The following DISC1 variants were observed in gnomAD, a reference collection of about 807,000 sequenced individuals.
DISC1 encodes disrupted in schizophrenia 1 protein.
Under a neutral mutation model 84.5 loss-of-function variants are expected in DISC1, and 57 were observed. The ratio of observed to expected loss-of-function variants is 0.67; its 90% CI spans 0.55 to 0.84. The LOEUF (loss-of-function observed/expected upper bound fraction) is 0.84, where lower values mean the gene tolerates loss of function less well. Among genes scored for constraint, DISC1 ranks in the 40% least tolerant of loss-of-function variants. DISC1 has a pLI of 0.00. For synonymous variants in DISC1, 411 were observed against 415.2 expected (o/e 0.99, Z 0.12); for missense variants, 1,000 against 1,057.8 (o/e 0.95, Z 0.76).
chr1:231,970,702 TAAAAG>T (rs1266288888), intron 10 of DISC1, among the ~76,000 whole-genome samples: 9 of 152,192 alleles, frequency 5.9e-5, no homozygotes, highest in Non-Finnish European at 2.9e-5. Flanking sequence ...GATTATCACT[TAAAAG>T]AAAAGGGTTC....
intron 12 of DISC1, among the ~76,000 whole-genome samples, chr1:232,035,503 C>T (rs762750970): frequency 6.6e-6 from 1 of 152,124 alleles, no homozygotes; most frequent in Non-Finnish European, 1.5e-5. Context: ...GTGTCTTTTT[C>T]TCTTTTTGTT....
chr1:231,738,855 G>A (rs1204854580), intron 3 of DISC1, among the ~76,000 whole-genome samples: 2 of 152,168 alleles, frequency 1.3e-5, no homozygotes, highest in African/African-American at 4.8e-5. Context: ...TCTCAGGTTT[G>A]GACCAGAGGA....
intron 9 of DISC1, among the ~76,000 whole-genome samples, chr1:231,907,618 A>T (rs1375320583): frequency 6.6e-6 from 1 of 152,218 alleles, no homozygotes; most frequent in East Asian, 1.9e-4. Flanking sequence ...TATTGTGAAT[A>T]GTGCCACAAT....
intron 2 of DISC1, among the ~76,000 whole-genome samples, chr1:231,695,999 A>T (rs1227691232): frequency 6.6e-6 from 1 of 152,132 alleles, no homozygotes; most frequent in African/African-American, 2.4e-5. Context: ...TCTTCCAGTT[A>T]GTCATTGCCT....
chr1:232,030,055 G>A (rs546314181), intron 12 of DISC1, among the ~76,000 whole-genome samples: 3 of 152,298 alleles, frequency 2.0e-5, no homozygotes, highest in East Asian at 1.9e-4. Context: ...CTGTGGCAGC[G>A]AGTGTCTGAA....
intron 9 of DISC1, among the ~76,000 whole-genome samples, chr1:231,931,190 T>G (rs1310517911): frequency 1.3e-5 from 2 of 152,140 alleles, no homozygotes; most frequent in African/African-American, 4.8e-5. Flanking sequence ...ACCTGTGCTT[T>G]AAGGTCATCC....
intron 9 of DISC1, among the ~76,000 whole-genome samples, chr1:231,885,218 C>G (rs2086596365): frequency 6.6e-6 from 1 of 152,198 alleles, no homozygotes; most frequent in Non-Finnish European, 1.5e-5. Flanking sequence ...GGTGGGATCT[C>G]TCATGCAAAA....
At chr1:231,696,146 C>T (rs1258347185) in intron 2 of DISC1, among the ~76,000 whole-genome samples, 3 of 152,232 alleles carry the variant, frequency 2.0e-5, no homozygotes, top group East Asian at 1.9e-4. Context: ...TCCCTTGTTC[C>T]ACATCTGGCT....
At position 232,041,225 on chromosome 1, in the gene DISC1, G is replaced by A. The variant is rs1670772482; in HGVS notation, c.*4394G>A. 1 of 152,100 alleles carries A rather than the reference G, an allele frequency of 6.6e-6. No individual in the cohort carries two copies. Among genetic ancestry groups the A allele is most frequent in the Admixed American group, 6.5e-5 (1 of 15,270 alleles). 9.4% of individuals were successfully genotyped at this position (152,100 alleles called of 1,614,324 possible). A position where few individuals can be genotyped will look rare whatever the true frequency, so the allele number is the denominator to read the frequency against. ...TCTTTCTGTTACAGGATGATTAATT[G>A]TACAGTTACATCACACGAAACATTT... On this transcript the variant is annotated 3_prime_UTR_variant, in exon 13 of 13. Transcript: ENST00000439617.
chr1:231,647,191 T>G (rs973011369), intron 1 of DISC1, among the ~76,000 whole-genome samples: 1 of 152,200 alleles, frequency 6.6e-6, no homozygotes, highest in African/African-American at 2.4e-5. Context: ...GTTTTTATGG[T>G]TTTAGGTCTA....
intron 1 of DISC1, among the ~76,000 whole-genome samples, chr1:231,645,190 CAG>C (rs1307800403): frequency 6.6e-6 from 1 of 152,148 alleles, no homozygotes; most frequent in South Asian, 2.1e-4. Flanking sequence ...ATCCTAATAA[CAG>C]AGAGATCTGT....
At chr1:231,748,498 A>G (rs924368976) in intron 3 of DISC1, among the ~76,000 whole-genome samples, 1 of 152,216 alleles carries the variant, frequency 6.6e-6, no homozygotes, top group Admixed American at 6.5e-5. Flanking sequence ...TGAGATGATC[A>G]TATGATTTTT....
At chr1:231,745,571 T>C in intron 3 of DISC1, 1 of 168,456 alleles carries the variant, frequency 5.9e-6, no homozygotes, top group East Asian at 1.8e-4. Context: ...TCCTTCTGAC[T>C]ATTTGAAACT....
At chr1:231,706,447 C>T (rs1323320989) in intron 3 of DISC1, among the ~76,000 whole-genome samples, 2 of 152,202 alleles carry the variant, frequency 1.3e-5, no homozygotes, top group African/African-American at 4.8e-5. Flanking sequence ...TCCATAATAT[C>T]CCCCTGGCTG....
intron 3 of DISC1, among the ~76,000 whole-genome samples, chr1:231,745,046 A>C (rs550977627): frequency 7.1e-6 from 1 of 141,664 alleles, no homozygotes; most frequent in African/African-American, 2.7e-5. Context: ...TGTAATTAAA[A>C]TTTTTTTAAA....
At chr1:231,731,391 A>G (rs1388416359) in intron 3 of DISC1, among the ~76,000 whole-genome samples, 2 of 152,196 alleles carry the variant, frequency 1.3e-5, no homozygotes, top group Non-Finnish European at 2.9e-5. Flanking sequence ...TCATGCAAAA[A>G]TTTCTAGGAA....
At chr1:231,762,464 A>G (rs1174021945) in intron 4 of DISC1, among the ~76,000 whole-genome samples, 2 of 149,206 alleles carry the variant, frequency 1.3e-5, no homozygotes, top group Non-Finnish European at 3.0e-5. Context: ...CCTCCCAAGT[A>G]GCTGGGACTA....
At chr1:231,902,678 CA>C (rs760485454) in intron 9 of DISC1, among the ~76,000 whole-genome samples, 2 of 152,024 alleles carry the variant, frequency 1.3e-5, no homozygotes, top group Non-Finnish European at 2.9e-5. Flanking sequence ...TGTATTTTCT[CA>C]CAGTTTTAGA....
At chr1:232,006,316 A>G (rs821606) in intron 10 of DISC1, among the ~76,000 whole-genome samples, 43,045 of 152,134 alleles carry the variant, frequency 0.28, 6,363 homozygotes, top group African/African-American at 0.33. Context: ...GTAACTTCCT[A>G]GAGACTTGTT....
Sources: allele counts gnomAD v4.1 joint callset (sites outside exome capture counted in the v4.1 genomes callset), GRCh38; gene constraint gnomAD v4.1.1; transcripts MANE v1.5; gene names NCBI Gene and HGNC (gene_info 2026-07-23, HGNC 2026-07-21).